Variants in INPP4B observed in about 807,000 individuals in gnomAD.
The protein encoded by INPP4B is inositol polyphosphate-4-phosphatase type II B.
INPP4B carries 55 observed loss-of-function variants against 122.5 expected under a neutral mutation model. The ratio of observed to expected loss-of-function variants is 0.45; its 90% CI spans 0.36 to 0.56. The LOEUF is 0.56. Among genes scored for constraint, INPP4B ranks in the 20% least tolerant of loss-of-function variants. The pLI, the probability that INPP4B is intolerant of heterozygous loss-of-function variation, is 0.00. For missense variants in INPP4B, 1,000 were observed against 1,097.7 expected, an observed-to-expected ratio of 0.91 and a Z score of 1.26; for synonymous variants, 403 against 388.7, an observed-to-expected ratio of 1.04 and a Z score of -0.43.
chr4:142,619,017 G>A (rs1047176412), intron 2 of INPP4B, among the ~76,000 whole-genome samples: 3 of 151,774 alleles, frequency 2.0e-5, no homozygotes, highest in African/African-American at 7.3e-5. Flanking sequence ...CCAGGTAAAC[G>A]CAAATCAACA....
chr4:142,567,372 G>C (rs912164177), intron 2 of INPP4B, among the ~76,000 whole-genome samples: 1 of 152,042 alleles, frequency 6.6e-6, no homozygotes, highest in African/African-American at 2.4e-5. Flanking sequence ...GGCAGATGTC[G>C]CTGATCACTA....
chr4:142,360,009 T>C (rs942995076), intron 7 of INPP4B, among the ~76,000 whole-genome samples: 3 of 152,016 alleles, frequency 2.0e-5, no homozygotes, highest in Non-Finnish European at 2.9e-5. Context: ...TTAAAAATTA[T>C]ACTAGAATGT....
At chr4:142,236,762 G>T (rs982792851) in intron 12 of INPP4B, among the ~76,000 whole-genome samples, 4 of 152,038 alleles carry the variant, frequency 2.6e-5, no homozygotes, top group Admixed American at 6.6e-5. Flanking sequence ...GTCCTCACTG[G>T]CTTAGGTCAA....
chr4:142,126,428 G>T (rs539080250), intron 18 of INPP4B, among the ~76,000 whole-genome samples: 14 of 152,012 alleles, frequency 9.2e-5, no homozygotes, highest in Non-Finnish European at 1.9e-4. Context: ...TAATAGACTA[G>T]ATGAAATAAA....
chr4:142,066,480 T>A (rs898463799), intron 25 of INPP4B, among the ~76,000 whole-genome samples: 1 of 152,150 alleles, frequency 6.6e-6, no homozygotes, highest in Non-Finnish European at 1.5e-5. Context: ...GGTCCAGTAG[T>A]TCTGGGAAGG....
At chr4:142,775,727 C>G (rs1022193050) in intron 1 of INPP4B, among the ~76,000 whole-genome samples, 1 of 152,004 alleles carries the variant, frequency 6.6e-6, no homozygotes, top group East Asian at 1.9e-4. Context: ...TTTAAAAAAT[C>G]AGATTGTTTG....
chr4:142,545,149 T>C (rs144396736), intron 2 of INPP4B, among the ~76,000 whole-genome samples: 133 of 152,260 alleles, frequency 8.7e-4, no homozygotes, highest in African/African-American at 2.7e-3. Flanking sequence ...GTATACAGTA[T>C]TATAATAAAA....
chr4:142,327,043 T>C (rs1680154407), intron 7 of INPP4B, among the ~76,000 whole-genome samples: 1 of 152,166 alleles, frequency 6.6e-6, no homozygotes, highest in African/African-American at 2.4e-5. Flanking sequence ...GGCTGCTTAA[T>C]TAGAGTTTTA....
intron 15 of INPP4B, among the ~76,000 whole-genome samples, chr4:142,175,297 C>T (rs1827603574): frequency 1.3e-5 from 2 of 152,112 alleles, no homozygotes; most frequent in Admixed American, 1.3e-4. Context: ...GAAGCATGAT[C>T]TGTTCTATTC....
intron 2 of INPP4B, among the ~76,000 whole-genome samples, chr4:142,629,147 C>T (rs1747318940): frequency 6.6e-6 from 1 of 151,682 alleles, no homozygotes; most frequent in East Asian, 1.9e-4. Context: ...TCTCTCAGCC[C>T]AAGTCTGCTG....
At chr4:142,074,723 A>G (rs919346654) in intron 25 of INPP4B, among the ~76,000 whole-genome samples, 2 of 152,134 alleles carry the variant, frequency 1.3e-5, no homozygotes, top group Admixed American at 6.6e-5. Flanking sequence ...AACTAGATCT[A>G]AAATAAATAC....
At chr4:142,519,540 A>G (rs1345264405) in intron 2 of INPP4B, among the ~76,000 whole-genome samples, 1 of 152,168 alleles carries the variant, frequency 6.6e-6, no homozygotes. Context: ...CACAGTTAAG[A>G]GGGACATCTG....
At chr4:142,065,086 T>G (rs913539570) in intron 25 of INPP4B, among the ~76,000 whole-genome samples, 1 of 152,188 alleles carries the variant, frequency 6.6e-6, no homozygotes, top group Non-Finnish European at 1.5e-5. Context: ...TTATTGTTAT[T>G]TAAGTATTTA....
At chr4:142,590,680 A>G (rs1737234761) in intron 2 of INPP4B, among the ~76,000 whole-genome samples, 1 of 151,900 alleles carries the variant, frequency 6.6e-6, no homozygotes, top group African/African-American at 2.4e-5. Context: ...TTAGCTTAAT[A>G]TTGTATATAA....
At chr4:142,060,094 G>T (rs544264285) in intron 25 of INPP4B, among the ~76,000 whole-genome samples, 1 of 152,048 alleles carries the variant, frequency 6.6e-6, no homozygotes, top group Non-Finnish European at 1.5e-5. Flanking sequence ...CACCTTTCAC[G>T]ATTTTTCAAT....
chr4:142,721,946 G>A (rs1764744940), intron 2 of INPP4B, among the ~76,000 whole-genome samples: 1 of 152,002 alleles, frequency 6.6e-6, no homozygotes, highest in Non-Finnish European at 1.5e-5. Context: ...ACCTTCAATG[G>A]AAATCCTGGA....
intron 11 of INPP4B, among the ~76,000 whole-genome samples, chr4:142,251,782 T>C (rs1732208912): frequency 6.6e-6 from 1 of 152,194 alleles, no homozygotes; most frequent in Non-Finnish European, 1.5e-5. Flanking sequence ...CCATTCCCTA[T>C]TGTTGGCTGC....
At chr4:142,548,088 G>T (rs889380211) in intron 2 of INPP4B, among the ~76,000 whole-genome samples, 1 of 152,194 alleles carries the variant, frequency 6.6e-6, no homozygotes, top group Non-Finnish European at 1.5e-5. Flanking sequence ...CCAACGTTAA[G>T]CTTGGAGAGA....
chr4:142,569,536 G>C (rs892316924), intron 2 of INPP4B, among the ~76,000 whole-genome samples: 11 of 152,110 alleles, frequency 7.2e-5, no homozygotes, highest in Non-Finnish European at 1.2e-4. Flanking sequence ...GGGCAAAAGA[G>C]ATAGGACTGA....
Sources: allele counts gnomAD v4.1 joint callset (sites outside exome capture counted in the v4.1 genomes callset), GRCh38; gene constraint gnomAD v4.1.1; transcripts MANE v1.5; gene names NCBI Gene and HGNC (gene_info 2026-07-23, HGNC 2026-07-21).